Variants in PRKCA observed in about 807,000 individuals in gnomAD.
PRKCA encodes the protein protein kinase C alpha.
PRKCA carries 27 observed loss-of-function variants against 87.0 expected under a neutral mutation model. That is an observed-to-expected ratio of 0.31 (90% CI 0.23 to 0.43). The LOEUF is 0.43. PRKCA is among the 20% of genes least tolerant of loss of function. The probability of loss-of-function intolerance (pLI) is 1.00; values close to 1 mark genes in which losing one functional copy is unlikely to be tolerated. For synonymous variants in PRKCA, 329 were observed against 311.1 expected (o/e 1.06, Z -0.61); for missense variants, 518 against 852.3 (o/e 0.61, Z 4.88).
At chr17:66,434,416 A>T (rs1486098090) in intron 2 of PRKCA, among the ~76,000 whole-genome samples, 1 of 152,088 alleles carries the variant, frequency 6.6e-6, no homozygotes, top group Admixed American at 6.5e-5. Flanking sequence ...TTCAATGATG[A>T]TTTGGGAAAC....
At chr17:66,472,109 T>TTGC (rs1387334543) in intron 2 of PRKCA, among the ~76,000 whole-genome samples, 3 of 152,112 alleles carry the variant, frequency 2.0e-5, no homozygotes, top group Admixed American at 1.3e-4. Context: ...GATTACAGGC[T>TTGC]TGCACCACTG....
At chr17:66,423,482 A>G (rs1912608828) in intron 2 of PRKCA, among the ~76,000 whole-genome samples, 1 of 152,218 alleles carries the variant, frequency 6.6e-6, no homozygotes, top group Non-Finnish European at 1.5e-5. Flanking sequence ...GAATGATATG[A>G]CTAAGAAAGA....
At chr17:66,555,386 A>G (rs564726772) in intron 3 of PRKCA, among the ~76,000 whole-genome samples, 23 of 152,036 alleles carry the variant, frequency 1.5e-4, no homozygotes, top group Non-Finnish European at 3.4e-4. Flanking sequence ...CTTCACCACC[A>G]AGAACATGCT....
intron 3 of PRKCA, among the ~76,000 whole-genome samples, chr17:66,539,477 C>T (rs1967906440): frequency 6.6e-6 from 1 of 151,094 alleles, no homozygotes; most frequent in Admixed American, 6.6e-5. Context: ...GATCTCGGCT[C>T]ACTGCAAGCT....
intron 2 of PRKCA, among the ~76,000 whole-genome samples, chr17:66,459,385 A>C (rs1914735652): frequency 6.6e-6 from 1 of 152,172 alleles, no homozygotes; most frequent in Admixed American, 6.5e-5. Context: ...ACAACAACAA[A>C]ACAAAACACA....
chr17:66,494,256 CAG>C (rs776835745), intron 2 of PRKCA, among the ~76,000 whole-genome samples: 1 of 152,186 alleles, frequency 6.6e-6, no homozygotes, highest in Non-Finnish European at 1.5e-5. Context: ...CTTCCTTGTG[CAG>C]AGTCTTAGTT....
At chr17:66,502,014 T>A (rs903317887) in intron 3 of PRKCA, among the ~76,000 whole-genome samples, 1 of 152,196 alleles carries the variant, frequency 6.6e-6, no homozygotes, top group African/African-American at 2.4e-5. Flanking sequence ...GACTTCTTCC[T>A]CTCACTTCTT....
chr17:66,721,486 A>G (rs1010975865), intron 8 of PRKCA, among the ~76,000 whole-genome samples: 1 of 151,604 alleles, frequency 6.6e-6, no homozygotes, highest in Non-Finnish European at 1.5e-5. Flanking sequence ...TTTCTTGATC[A>G]TATGCTTTAA....
intron 13 of PRKCA, among the ~76,000 whole-genome samples, 170 bp from the exon 14 acceptor site, chr17:66,773,817 C>G (rs867678359): frequency 6.6e-6 from 1 of 152,000 alleles, no homozygotes; most frequent in Non-Finnish European, 1.5e-5. Flanking sequence ...GATAGTTCTC[C>G]GTGTGTCTGA....
chr17:66,509,762 C>T (rs374316414), intron 3 of PRKCA, among the ~76,000 whole-genome samples: 12 of 152,134 alleles, frequency 7.9e-5, no homozygotes, highest in East Asian at 1.9e-4. Context: ...TCACTGGGGC[C>T]GTTAGTGTAA....
chr17:66,788,782 C>T, intron 15 of PRKCA, 57 bp from the exon 16 acceptor site: 1 of 1,579,636 alleles, frequency 6.3e-7, no homozygotes. Flanking sequence ...ATGGAAGGTG[C>T]TGTCTGTGGG....
intron 3 of PRKCA, among the ~76,000 whole-genome samples, chr17:66,584,820 T>C (rs2361490): frequency 0.59 from 90,184 of 151,992 alleles, 28,243 homozygotes; most frequent in African/African-American, 0.8. Context: ...AGGATGATCT[T>C]ATCTCGAGGT....
At chr17:66,322,758 A>G (rs949661125) in intron 2 of PRKCA, among the ~76,000 whole-genome samples, 6 of 151,506 alleles carry the variant, frequency 4.0e-5, no homozygotes, top group Non-Finnish European at 8.8e-5. Flanking sequence ...GGCATGAGCC[A>G]CTGCACCTGG....
chr17:66,400,496 T>G (rs1910959459), intron 2 of PRKCA, among the ~76,000 whole-genome samples: 1 of 152,210 alleles, frequency 6.6e-6, no homozygotes, highest in African/African-American at 2.4e-5. Context: ...ACTTTTCGTC[T>G]TGCAAAACTG....
intron 2 of PRKCA, among the ~76,000 whole-genome samples, chr17:66,486,429 G>A (rs1158047372): frequency 6.6e-6 from 1 of 152,114 alleles, no homozygotes; most frequent in Non-Finnish European, 1.5e-5. Flanking sequence ...GGCCATCATG[G>A]GCGAGTAATG....
At position 66,775,272 on chromosome 17, in the gene PRKCA, C is replaced by T. The variant is rs1048381888; in HGVS notation, c.1605+1205C>T. 1.0e-5 allele frequency: 10 copies of T among 985,072 alleles called. No individual in the cohort carries two copies. The African/African-American group carries it at 1.2e-4, about 12-fold the overall frequency. 61.0% of individuals were successfully genotyped at this position (985,072 alleles called of 1,614,324 possible). On this transcript the variant is annotated intron_variant, in intron 14 of 16. Transcript: ENST00000413366. ...AAGGACACAGGTTTCTCCTGTCCGT[C>T]AGCCCTACTACCTTTTAGGGTCTCA...
At chr17:66,763,856 G>A (rs767237472) in intron 13 of PRKCA, among the ~76,000 whole-genome samples, 2 of 152,100 alleles carry the variant, frequency 1.3e-5, no homozygotes, top group Non-Finnish European at 2.9e-5. Context: ...AGGTCCGTGG[G>A]TTCCTTCAAG....
At chr17:66,418,365 C>T (rs549351875) in intron 2 of PRKCA, among the ~76,000 whole-genome samples, 25 of 151,904 alleles carry the variant, frequency 1.6e-4, no homozygotes, top group African/African-American at 5.6e-4. Flanking sequence ...ATACAGTAAA[C>T]AGTAAAACCA....
chr17:66,557,286 G>A (rs1567896497), intron 3 of PRKCA, among the ~76,000 whole-genome samples: 1 of 152,094 alleles, frequency 6.6e-6, no homozygotes, highest in Non-Finnish European at 1.5e-5. Context: ...GAAGCAAGTT[G>A]CACAGAGACA....
Sources: gnomAD v4.1 joint callset for allele counts (sites outside exome capture counted in the v4.1 genomes callset) on GRCh38, gnomAD v4.1.1 for gene constraint, MANE v1.5 for transcripts, NCBI Gene and HGNC (gene_info 2026-07-23, HGNC 2026-07-21) for gene names.